The following KCNQ1 variants were observed in gnomAD, a reference collection of about 807,000 sequenced individuals.
KCNQ1 encodes the protein potassium voltage-gated channel subfamily Q member 1, also known as potassium voltage-gated channel subfamily KQT member 1.
KCNQ1 carries 49 observed loss-of-function variants against 72.4 expected under a neutral mutation model. The observed-to-expected ratio is 0.68, with a 90% CI of 0.54 to 0.86. The LOEUF is 0.86. KCNQ1 is among the 40% of genes least tolerant of loss of function. The pLI, the probability that KCNQ1 is intolerant of heterozygous loss-of-function variation, is 0.00. For synonymous variants in KCNQ1, 450 were observed against 412.6 expected, an observed-to-expected ratio of 1.09 and a Z score of -1.10; for missense variants, 790 against 945.1, an observed-to-expected ratio of 0.84 and a Z score of 2.15.
At chr11:2,587,544 C>T (rs773076562) in intron 8 of KCNQ1, 26 bp from the exon 9 acceptor site, 2 of 1,613,294 alleles carry the variant, frequency 1.2e-6, no homozygotes, top group Middle Eastern at 1.6e-4. Context: ...CAGCAGGTGA[C>T]AGCCTGTCCC....
At position 2,592,989 on chromosome 11, in the gene KCNQ1, C is replaced by A. The variant is rs559403975; in HGVS notation, c.1393+4135C>A. 1.5e-3 allele frequency among the ~76,000 whole-genome samples: 232 copies of A among 152,306 alleles called. 1 individual carries two copies. The highest frequency in any genetic ancestry group is 3.4e-3 in the Middle Eastern group (1 of 294). On this transcript the variant is annotated intron_variant, in intron 10 of 15. Coordinates refer to ENST00000155840, the MANE Select transcript of KCNQ1 (RefSeq NM_000218.3). The surrounding 1 kb of genome is among the most constrained non-coding windows in gnomAD (Gnocchi z 5.2). The stretch of plus-strand genomic sequence containing the variant: ...GGAGTCCTGAAGGAGCCGCCTCCAT[C>A]CTGAGCTGCCTACCCTGCCCCTCCT...
At chr11:2,708,361 G>C (rs1401667607) in intron 11 of KCNQ1, among the ~76,000 whole-genome samples, 1 of 152,206 alleles carries the variant, frequency 6.6e-6, no homozygotes, top group African/African-American at 2.4e-5. Flanking sequence ...GCTCACTTAG[G>C]CACGTGGTCC....
At position 2,544,402 on chromosome 11, in the gene KCNQ1, G is replaced by GTGTATATA. The variant is rs1847876601; in HGVS notation, c.477+16387_477+16388insATATATGT. On this transcript the variant is annotated intron_variant, in intron 2 of 15. Transcript: ENST00000155840. The surrounding 1 kb of genome is among the most constrained non-coding windows in gnomAD (Gnocchi z 4.4). ...TATGTGTGCATATATGTGTATATAT[G>GTGTATATA]TGTGTGTATATATATATATGGTTAC... is the stretch of plus-strand genomic sequence containing the variant. Among the ~76,000 whole-genome samples, 2 of 147,644 alleles carry GTGTATATA rather than the reference G, an allele frequency of 1.4e-5. No homozygotes were observed. The highest frequency in any genetic ancestry group is 5.1e-5 in the African/African-American group (2 of 39,198).
In KCNQ1 at chr11:2,516,260, G is replaced by A. The variant is rs1847287463; in HGVS notation, c.387-11668G>A. ...CTCTCTGAGCTTCCTCCTCTCCTGT[G>A]AACAAAGGATGGGTCCACTTCTCAG... On this transcript the variant is annotated intron_variant, in intron 1 of 15. Transcript: ENST00000155840. The surrounding 1 kb of genome is among the most constrained non-coding windows in gnomAD (Gnocchi z 7.0). Among the ~76,000 whole-genome samples, 1 of 152,080 alleles carries A rather than the reference G, an allele frequency of 6.6e-6. No homozygotes were observed. Among genetic ancestry groups the A allele is most frequent in the African/African-American group, 2.4e-5 (1 of 41,416 alleles).
rs1368157901 is a variant in KCNQ1, at chr11:2,489,273, C to T, written c.387-38655C>T. 8.5e-5 allele frequency among the ~76,000 whole-genome samples: 13 copies of T among 152,126 alleles called. No individual in the cohort carries two copies. In the East Asian group the frequency reaches 2.1e-3, roughly 25 times the overall value. ...AGTGCAGTGCTTTGGGACTGTCCAT[C>T]GAGCTCAGTGATTCCCTGTTGCCAC... On this transcript the variant is annotated intron_variant, in intron 1 of 15. Transcript: ENST00000155840.
In KCNQ1 at chr11:2,567,815, C is replaced by G. The variant is rs184752161; in HGVS notation, c.478-2813C>G. ...TCGAAGGCCAGCCCCTAAACAGGTT[C>G]CCTGAGTGTTAGGTCAAAATAACTT... is the stretch of plus-strand genomic sequence containing the variant. On this transcript the variant is annotated intron_variant, in intron 2 of 15. Transcript: ENST00000155840. The surrounding 1 kb of genome is among the most constrained non-coding windows in gnomAD (Gnocchi z 6.6). 1.3e-5 allele frequency among the ~76,000 whole-genome samples: 2 copies of G among 152,230 alleles called. No homozygotes were observed. Among genetic ancestry groups the G allele is most frequent in the African/African-American group, 4.8e-5 (2 of 41,454 alleles).
At chr11:2,833,089 C>T (rs1189812238) in intron 15 of KCNQ1, among the ~76,000 whole-genome samples, 1 of 152,138 alleles carries the variant, frequency 6.6e-6, no homozygotes, top group East Asian at 1.9e-4. Flanking sequence ...TTGGCAGCAT[C>T]GTCCATGGTT....
rs1208789481 is a variant in KCNQ1, at chr11:2,651,742, C to T, written c.1394-10219C>T. On this transcript the variant is annotated intron_variant, in intron 10 of 15. Transcript: ENST00000155840. The surrounding 1 kb of genome is among the most constrained non-coding windows in gnomAD (Gnocchi z 6.1). Reference sequence around the variant, plus strand: ...TCATCCTCATTTCTATACGTTTTCTCTGATTACTGGAAATTCCTCAAGTGT... The same window carrying T: ...TCATCCTCATTTCTATACGTTTTCTTTGATTACTGGAAATTCCTCAAGTGT... 2.5e-6 allele frequency: 1 copy of T among 398,516 alleles called. No homozygotes were observed. The highest frequency in any genetic ancestry group is 4.4e-5 in the Admixed American group (1 of 22,720). 24.7% of individuals were successfully genotyped at this position (398,516 alleles called of 1,614,324 possible).
rs1846474974 is a variant in KCNQ1, at chr11:2,471,880, G to GCGCATGTGTATGGGTGTGTGTT, written c.386+26397_386+26398insGCATGTGTATGGGTGTGTGTTC. On this transcript the variant is annotated intron_variant, in intron 1 of 15. Transcript: ENST00000155840. The surrounding 1 kb of genome is among the most constrained non-coding windows in gnomAD (Gnocchi z 4.8). ...TGTGTGTTTATGTATGGGTGTGTGT[G>GCGCATGTGTATGGGTGTGTGTT]CACATGTGTATAGGTGTGTGTATGC... Among the ~76,000 whole-genome samples the GCGCATGTGTATGGGTGTGTGTT allele has an allele frequency of 6.6e-6, 1 of 151,942 alleles. No homozygotes were observed. The highest frequency in any genetic ancestry group is 2.4e-5 in the African/African-American group (1 of 41,344).
intron 1 of KCNQ1, among the ~76,000 whole-genome samples, chr11:2,501,245 T>TG (rs1173824815): frequency 3.3e-5 from 2 of 60,290 alleles, no homozygotes; most frequent in Admixed American, 3.2e-4. Flanking sequence ...AATAAAAAGT[T>TG]GGTTTTTTTT....
In KCNQ1 at chr11:2,464,322, T is replaced by C. The variant is rs2133586637; in HGVS notation, c.386+18838T>C. On this transcript the variant is annotated intron_variant, in intron 1 of 15. Transcript: ENST00000155840. This position sits in a 1 kb window ranked among gnomAD's most constrained non-coding sequence, Gnocchi z 5.0. ...ATTTTTGCTCATCTGAATTTTCTAATTAAAAATATATTGCTTTTTAAAAAT... is the reference window on the plus strand; with the variant it reads ...ATTTTTGCTCATCTGAATTTTCTAACTAAAAATATATTGCTTTTTAAAAAT... Among the ~76,000 whole-genome samples the C allele has an allele frequency of 6.6e-6, 1 of 152,326 alleles. No homozygotes were observed. Among genetic ancestry groups the C allele is most frequent in the African/African-American group, 2.4e-5 (1 of 41,574 alleles).
rs1848912751 is a variant in KCNQ1 at position 2,608,205 on chromosome 11, T to C, written c.1393+19351T>C. 1 of 392,400 alleles carries C rather than the reference T, an allele frequency of 2.5e-6. No individual in the cohort carries two copies. 24.3% of individuals were successfully genotyped at this position (392,400 alleles called of 1,614,324 possible). On this transcript the variant is annotated intron_variant, in intron 10 of 15. Coordinates refer to ENST00000155840, the MANE Select transcript of KCNQ1 (RefSeq NM_000218.3). This position sits in a 1 kb window ranked among gnomAD's most constrained non-coding sequence, Gnocchi z 4.6. ...AAGAGGTCATAAAGAATTGATATTC[T>C]TTAGATATTTGTTAGATTCACTCAT...
chr11:2,490,832 G>T (rs995002731), intron 1 of KCNQ1, among the ~76,000 whole-genome samples: 32 of 152,154 alleles, frequency 2.1e-4, no homozygotes, highest in Admixed American at 2.0e-3. Context: ...AGGATTATAG[G>T]CATGTGCCAT....
At chr11:2,568,580 G>A (rs1027863624) in intron 2 of KCNQ1, among the ~76,000 whole-genome samples, 2 of 152,232 alleles carry the variant, frequency 1.3e-5, no homozygotes, top group Admixed American at 1.3e-4. Context: ...AAAGACCGAC[G>A]AGACAGAGCT....
chr11:2,693,257 C>T, intron 11 of KCNQ1: 1 of 398,742 alleles, frequency 2.5e-6, no homozygotes. Flanking sequence ...GTACAGCTAC[C>T]AGGCTTAACA....
chr11:2,631,188 C>T (rs1849346894), intron 10 of KCNQ1: 1 of 398,360 alleles, frequency 2.5e-6, no homozygotes, highest in South Asian at 1.3e-4. Context: ...TACCCTTTAC[C>T]TCTCTACTTT....
intron 11 of KCNQ1, among the ~76,000 whole-genome samples, chr11:2,728,320 A>G (rs940053070): frequency 6.6e-6 from 1 of 151,764 alleles, no homozygotes; most frequent in African/African-American, 2.4e-5. Context: ...CAGGGCCAGG[A>G]CTCTTGTTCA....
chr11:2,618,039 T>C (rs1849097199), intron 10 of KCNQ1: 1 of 398,498 alleles, frequency 2.5e-6, no homozygotes, highest in South Asian at 1.3e-4. Flanking sequence ...TTTAGTTTGA[T>C]GGTATACCAA....
In KCNQ1 at chr11:2,710,741, C is replaced by A. The variant is rs974988719; in HGVS notation, c.1514+48660C>A. Among the ~76,000 whole-genome samples the A allele has an allele frequency of 2.6e-5, 4 of 152,178 alleles. No individual in the cohort carries two copies. Among genetic ancestry groups the A allele is most frequent in the Non-Finnish European group, 4.4e-5 (3 of 68,028 alleles). ...CCATTTGTTGAAAAGACTCTTCTTT[C>A]CTCAGTGAAGGATGTTGATACCCTT... On this transcript the variant is annotated intron_variant, in intron 11 of 15. Transcript: ENST00000155840. The surrounding 1 kb of genome is among the most constrained non-coding windows in gnomAD (Gnocchi z 4.1).
Sources: allele counts gnomAD v4.1 joint callset (sites outside exome capture counted in the v4.1 genomes callset), GRCh38; gene constraint gnomAD v4.1.1; non-coding constraint Gnocchi (gnomAD v3.1); transcripts MANE v1.5; gene names NCBI Gene and HGNC (gene_info 2026-07-23, HGNC 2026-07-21).